Variants in IL17RD observed in about 807,000 individuals in gnomAD.
IL17RD encodes interleukin 17 receptor D, also known as interleukin-17 receptor D.
Under a neutral mutation model 80.5 loss-of-function variants are expected in IL17RD, and 52 were observed. The observed-to-expected ratio is 0.65, with a 90% CI of 0.52 to 0.81. The LOEUF (loss-of-function observed/expected upper bound fraction) is 0.81, where lower values mean the gene tolerates loss of function less well. Among genes scored for constraint, IL17RD ranks in the 40% least tolerant of loss-of-function variants. The pLI is 0.00. For missense variants in IL17RD, 1,024 were observed against 955.1 expected (o/e 1.07, Z -0.95); for synonymous variants, 416 against 391.8 (o/e 1.06, Z -0.73).
At chr3:57,142,792 AT>A (rs1707855693) in intron 1 of IL17RD, among the ~76,000 whole-genome samples, 1 of 152,110 alleles carries the variant, frequency 6.6e-6, no homozygotes, top group African/African-American at 2.4e-5. Flanking sequence ...ATAAAGCTTC[AT>A]TTAAAAAAAA....
intron 1 of IL17RD, among the ~76,000 whole-genome samples, chr3:57,122,286 A>G (rs147112697): frequency 1.6e-4 from 24 of 152,348 alleles, no homozygotes; most frequent in African/African-American, 4.8e-4. Flanking sequence ...GGAGGAAAAG[A>G]AAACTATAAT....
At position 57,141,922 on chromosome 3, in the gene IL17RD, C is replaced by T. The variant is rs145289754; in HGVS notation, c.127-21609G>A. ...ACACTGTTATCTGATTGTATCTGCA[C>T]GGTTTTCACCAGAGGGCACTGCATG... On this transcript the variant is annotated intron_variant, in intron 1 of 12. Coordinates refer to ENST00000296318, the MANE Select transcript of IL17RD (RefSeq NM_017563.5). Among the ~76,000 whole-genome samples the T allele has an allele frequency of 5.3e-5, 8 of 152,202 alleles. No individual in the cohort carries two copies. The East Asian group carries it at 1.4e-3, about 26-fold the overall frequency.
At chr3:57,164,947 G>C (rs928158448) in intron 1 of IL17RD, 3 of 1,308,764 alleles carry the variant, frequency 2.3e-6, no homozygotes, top group Admixed American at 8.6e-5. Flanking sequence ...CACAAAGCCG[G>C]GGTCGGGCAG....
chr3:57,110,462 A>G lies in IL17RD; in HGVS notation c.311-151T>C, dbSNP rs995155447. ...GGTATCTGAGTCTATAGAATGGAAAAAACACACCCCCTGCATTCCTCTGGT... is the reference window on the plus strand; with the variant it reads ...GGTATCTGAGTCTATAGAATGGAAAGAACACACCCCCTGCATTCCTCTGGT... On this transcript the variant is annotated intron_variant, in intron 3 of 12. Transcript: ENST00000296318. Among the ~76,000 whole-genome samples, 5 of 152,322 alleles carry G rather than the reference A, an allele frequency of 3.3e-5. No individual in the cohort carries two copies. In the South Asian group the frequency reaches 1.0e-3, roughly 32 times the overall value.
At chr3:57,156,276 T>TC (rs978716892) in intron 1 of IL17RD, among the ~76,000 whole-genome samples, 3 of 144,188 alleles carry the variant, frequency 2.1e-5, no homozygotes, top group Non-Finnish European at 4.7e-5. Flanking sequence ...CCTATTTGTC[T>TC]CCCCTACTAA....
intron 1 of IL17RD, among the ~76,000 whole-genome samples, chr3:57,131,399 A>G (rs1017998143): frequency 3.3e-5 from 5 of 152,176 alleles, no homozygotes; most frequent in African/African-American, 1.2e-4. Context: ...AGAAAGGTGA[A>G]AGTATTCAGC....
At chr3:57,120,981 AC>A (rs1189303192) in intron 1 of IL17RD, among the ~76,000 whole-genome samples, 2 of 152,174 alleles carry the variant, frequency 1.3e-5, no homozygotes, top group African/African-American at 4.8e-5. Flanking sequence ...CAGACTTCCC[AC>A]TTTAATTATA....
At chr3:57,142,554 T>G in intron 1 of IL17RD, 1 of 1,264,414 alleles carries the variant, frequency 7.9e-7, no homozygotes, top group Non-Finnish European at 1.0e-6. Context: ...TCCGGCCTCC[T>G]GGCAGGGAGA....
intron 1 of IL17RD, among the ~76,000 whole-genome samples, chr3:57,155,954 AGT>A (rs1171597778): frequency 3.3e-5 from 5 of 152,120 alleles, no homozygotes; most frequent in African/African-American, 7.2e-5. Flanking sequence ...GCCATTGGAG[AGT>A]GTCTACTTGC....
chr3:57,098,571 GAAGGCTCGGGAA>G, intron 11 of IL17RD, 33 bp from the exon 12 acceptor site: 1 of 1,425,822 alleles, frequency 7.0e-7, no homozygotes, highest in African/African-American at 1.4e-5. Flanking sequence ...CACCCATACA[GAAGGCTCGGGAA>G]GAGGCTCGGG....
intron 1 of IL17RD, among the ~76,000 whole-genome samples, chr3:57,146,732 A>T (rs1707937766): frequency 1.4e-5 from 2 of 145,206 alleles, no homozygotes; most frequent in Non-Finnish European, 3.0e-5. Context: ...CCTGGGCAAC[A>T]GAGTGAGACT....
intron 1 of IL17RD, among the ~76,000 whole-genome samples, chr3:57,143,024 A>T (rs1168406298): frequency 1.3e-5 from 2 of 152,206 alleles, no homozygotes; most frequent in Non-Finnish European, 2.9e-5. Flanking sequence ...CGGAGCATAA[A>T]TAAAGTAGAC....
rs1706677783 is a variant in IL17RD, at chr3:57,096,515, G to A, written c.2108-10C>T. The stretch of plus-strand genomic sequence containing the variant: ...GGAGGTTCCTCCTCACCTAAGGAGA[G>A]AAGAGAGTACAGAGTCACACTGTCA... On this transcript the variant is annotated splice_polypyrimidine_tract_variant and intron_variant, in intron 12 of 12. Transcript: ENST00000296318. 1 of 1,556,090 alleles carries A rather than the reference G, an allele frequency of 6.4e-7. No homozygotes were observed. The highest frequency in any genetic ancestry group is 8.9e-7 in the Non-Finnish European group (1 of 1,127,194).
intron 12 of IL17RD, among the ~76,000 whole-genome samples, chr3:57,096,985 A>T (rs1451471606): frequency 6.6e-6 from 1 of 150,560 alleles, no homozygotes; most frequent in African/African-American, 2.5e-5. Flanking sequence ...AGCCTGGGCG[A>T]CAGGGTGAGA....
At chr3:57,099,776 C>A (rs1001988659) in intron 11 of IL17RD, among the ~76,000 whole-genome samples, 8 of 152,164 alleles carry the variant, frequency 5.3e-5, no homozygotes, top group Admixed American at 5.2e-4. Context: ...CAATATTGAA[C>A]CACTGAGATG....
chr3:57,122,692 G>C (rs1472628446), intron 1 of IL17RD, among the ~76,000 whole-genome samples: 3 of 150,038 alleles, frequency 2.0e-5, no homozygotes, highest in Non-Finnish European at 4.4e-5. Flanking sequence ...TGCTAAAAAG[G>C]TTGGGGACCG....
At chr3:57,144,727 A>T (rs1579309495) in intron 1 of IL17RD, among the ~76,000 whole-genome samples, 1 of 152,208 alleles carries the variant, frequency 6.6e-6, no homozygotes, top group East Asian at 1.9e-4. Context: ...ACTCAGGATA[A>T]GTTCTTGGAC....
intron 1 of IL17RD, chr3:57,134,425 G>A (rs1707677751): frequency 2.7e-6 from 2 of 747,196 alleles, no homozygotes; most frequent in Admixed American, 3.6e-5. Context: ...ACTTGGATGA[G>A]GAGAATGCGG....
intron 1 of IL17RD, among the ~76,000 whole-genome samples, chr3:57,138,426 G>A (rs1707768600): frequency 6.6e-6 from 1 of 152,158 alleles, no homozygotes; most frequent in Admixed American, 6.5e-5. Context: ...GAGCGAGGTA[G>A]ACCAGATAGC....
Sources: allele counts gnomAD v4.1 joint callset (sites outside exome capture counted in the v4.1 genomes callset), GRCh38; gene constraint gnomAD v4.1.1; transcripts MANE v1.5; gene names NCBI Gene and HGNC (gene_info 2026-07-23, HGNC 2026-07-21).